AEBP2: variants seen among roughly 807,000 people sequenced by gnomAD.
The protein encoded by AEBP2 is AE binding protein 2.
Under a neutral mutation model 50.8 loss-of-function variants are expected in AEBP2, and 10 were observed. The observed-to-expected ratio is 0.20, with a 90% CI of 0.12 to 0.33. The LOEUF (loss-of-function observed/expected upper bound fraction) is 0.33. Among genes scored for constraint, AEBP2 ranks in the 10% least tolerant of loss-of-function variants. AEBP2 has a pLI of 1.00. For synonymous variants in AEBP2, 296 were observed against 261.3 expected (o/e 1.13, Z -1.28); for missense variants, 570 against 688.0 (o/e 0.83, Z 1.92).
At chr12:19,418,389 C>CTTTTTTTTTTTTTTTTT (rs372043971) in intron 1 of AEBP2, among the ~76,000 whole-genome samples, 1 of 94,928 alleles carries the variant, frequency 1.1e-5, no homozygotes, top group Non-Finnish European at 2.0e-5. Context: ...CTATGCCTGG[C>CTTTTTTTTTTTTTTTTT]TTTTTTTTTT....
intron 4 of AEBP2, among the ~76,000 whole-genome samples, chr12:19,496,176 GA>G (rs1184373662): frequency 6.6e-6 from 1 of 152,166 alleles, no homozygotes; most frequent in Non-Finnish European, 1.5e-5. Context: ...CTTGTAAAGA[GA>G]AGAGAGATTC....
intron 5 of AEBP2, among the ~76,000 whole-genome samples, chr12:19,511,477 A>C (rs149203951): frequency 9.2e-5 from 14 of 152,352 alleles, no homozygotes; most frequent in African/African-American, 3.4e-4. Context: ...TTTCTGCACC[A>C]TACTAAGAGT....
intron 1 of AEBP2, chr12:19,413,570 C>G: frequency 3.1e-6 from 2 of 641,516 alleles, no homozygotes; most frequent in South Asian, 3.5e-5. Flanking sequence ...AAAAAATAAA[C>G]TTGTTATGCA....
At chr12:19,503,935 G>C (rs566584845) in intron 5 of AEBP2, among the ~76,000 whole-genome samples, 2 of 151,876 alleles carry the variant, frequency 1.3e-5, no homozygotes, top group African/African-American at 2.4e-5. Context: ...GGGTTCAAGA[G>C]ATCCTCCCAC....
At chr12:19,475,992 G>C (rs1948643532) in intron 3 of AEBP2, among the ~76,000 whole-genome samples, 1 of 152,176 alleles carries the variant, frequency 6.6e-6, no homozygotes, top group South Asian at 2.1e-4. Flanking sequence ...TTATTCTGCT[G>C]ATTATTTCTT....
chr12:19,469,113 G>A (rs545901017), intron 2 of AEBP2, among the ~76,000 whole-genome samples: 167 of 152,034 alleles, frequency 1.1e-3, no homozygotes, highest in Non-Finnish European at 2.1e-3. Context: ...TTTAGTAGAG[G>A]TGGGGTTTCG....
At chr12:19,472,168 TAAA>T (rs1055673901) in intron 2 of AEBP2, among the ~76,000 whole-genome samples, 5 of 152,190 alleles carry the variant, frequency 3.3e-5, no homozygotes, top group Non-Finnish European at 7.3e-5. Flanking sequence ...TCTAGTCTAT[TAAA>T]AATTTTATTT....
rs530804634 is a variant in AEBP2, at chr12:19,427,825, A to C, written c.-17+23609A>C. 6.2e-4 allele frequency among the ~76,000 whole-genome samples: 94 copies of C among 152,012 alleles called. 1 individual carries two copies. Among genetic ancestry groups the C allele is most frequent in the Non-Finnish European group, 5.3e-4 (36 of 68,002 alleles). On this transcript the variant is annotated intron_variant, in intron 1 of 3. Transcript: ENST00000538425. ...GGTGGGAAGGACAGGAAATTGAAGG[A>C]TTTTACTCCTCAGAGCCTCCGTTTT...
At chr12:19,414,277 C>T (rs1034578314) in intron 1 of AEBP2, among the ~76,000 whole-genome samples, 13 of 152,068 alleles carry the variant, frequency 8.5e-5, no homozygotes, top group African/African-American at 2.4e-4. Context: ...GGAATACAGC[C>T]CCGTAGGTTT....
At chr12:19,505,618 G>A (rs1383616536) in intron 5 of AEBP2, among the ~76,000 whole-genome samples, 3 of 152,230 alleles carry the variant, frequency 2.0e-5, no homozygotes, top group Admixed American at 1.3e-4. Flanking sequence ...AGTAGGCAGC[G>A]TAGCTGGAGG....
chr12:19,483,326 T>G (rs377618478), intron 3 of AEBP2, among the ~76,000 whole-genome samples: 40 of 152,254 alleles, frequency 2.6e-4, no homozygotes, highest in African/African-American at 9.6e-4. Context: ...CTAGGTAAGG[T>G]TAAATCCGTC....
intron 1 of AEBP2, among the ~76,000 whole-genome samples, chr12:19,429,575 CTGAT>C (rs2095750347): frequency 6.6e-6 from 1 of 152,230 alleles, no homozygotes; most frequent in South Asian, 2.1e-4. Flanking sequence ...AATGGTTGAA[CTGAT>C]TTACAGTCCC....
chr12:19,485,123 A>G lies in AEBP2; in HGVS notation c.988-8677A>G, dbSNP rs182344368. 3.1e-3 allele frequency among the ~76,000 whole-genome samples: 476 copies of G among 152,312 alleles called. 3 individuals are homozygous for G. The highest frequency in any genetic ancestry group is 0.011 in the African/African-American group (461 of 41,582). ...TCCATGTGTGTATGTGTGTGTAAGT[A>G]TATTTTAAGGCAGCCTTTCTGCTGG... On this transcript the variant is annotated intron_variant, in intron 3 of 7. Coordinates refer to ENST00000266508, the MANE Select transcript of AEBP2 (RefSeq NM_153207.5).
At chr12:19,486,905 G>A (rs1409823148) in intron 3 of AEBP2, among the ~76,000 whole-genome samples, 1 of 151,606 alleles carries the variant, frequency 6.6e-6, no homozygotes, top group South Asian at 2.1e-4. Flanking sequence ...CGATCTACCC[G>A]CCTCGGCCTT....
In AEBP2 at chr12:19,518,171, C is replaced by T; in HGVS notation, c.*54C>T. ...AAGCGGGGACACCTGCAGTCTTAGT[C>T]ACTGACAATGGGTTTAGGGAAAGTT... On this transcript the variant is annotated 3_prime_UTR_variant, in exon 8 of 8. Coordinates refer to ENST00000266508, the MANE Select transcript of AEBP2 (RefSeq NM_153207.5). The T allele has an allele frequency of 1.3e-6, 2 of 1,528,216 alleles. No individual in the cohort carries two copies. The highest frequency in any genetic ancestry group is 1.8e-6 in the Non-Finnish European group (2 of 1,139,622). 94.7% of individuals were successfully genotyped at this position (1,528,216 alleles called of 1,614,324 possible). A position where few individuals can be genotyped will look rare whatever the true frequency, so the allele number is the denominator to read the frequency against.
intron 3 of AEBP2, among the ~76,000 whole-genome samples, chr12:19,474,473 C>G (rs1394468075): frequency 6.6e-6 from 1 of 152,144 alleles, no homozygotes; most frequent in African/African-American, 2.4e-5. Flanking sequence ...ATTTGTCTCT[C>G]TCTTTTTCCT....
At position 19,440,127 on chromosome 12, in the gene AEBP2, G is replaced by A; in HGVS notation, c.428G>A (p.Gly143Asp). The A allele has an allele frequency of 1.3e-6, 2 of 1,505,934 alleles. No individual in the cohort carries two copies. The highest frequency in any genetic ancestry group is 1.8e-6 in the Non-Finnish European group (2 of 1,133,740). 93.3% of individuals were successfully genotyped at this position (1,505,934 alleles called of 1,614,324 possible). ...GACGAGACCCGCTCGTTGAGCCCCG[G>A]CGCCGCCAGCAGCAGCAGCGGGGAT... is the stretch of plus-strand genomic sequence containing the variant. ...SSDETRSLSP[G>D]AASSSSGDGD... The change falls in exon 1 of 8, where the codon GGC (glycine) becomes GAC (aspartate). Residue 143 changes from glycine (G) to aspartate (D), a missense_variant. By Grantham distance (94) the Gly-to-Asp change is moderately conservative. Transcript: ENST00000266508.
At position 19,514,801 on chromosome 12, in the gene AEBP2, C is replaced by A. The variant is rs1265598332; in HGVS notation, c.1481+17C>A. ...CATATACAGGTAATTTAATTCTTGC[C>A]TTTATGTTTTACTTTTTGATTTGTA... On this transcript the variant is annotated intron_variant, in intron 7 of 7. Transcript: ENST00000266508. 5.1e-6 allele frequency: 8 copies of A among 1,566,686 alleles called. No homozygotes were observed. Among genetic ancestry groups the A allele is most frequent in the Non-Finnish European group, 7.0e-6 (8 of 1,149,316 alleles).
chr12:19,511,321 T>C (rs865782489), intron 5 of AEBP2, among the ~76,000 whole-genome samples: 5 of 152,184 alleles, frequency 3.3e-5, no homozygotes, highest in Non-Finnish European at 5.9e-5. Context: ...CCCCGGAGAG[T>C]TGGTTGTTCC....
Sources: allele counts gnomAD v4.1 joint callset (sites outside exome capture counted in the v4.1 genomes callset), GRCh38; gene constraint gnomAD v4.1.1; transcripts MANE v1.5; gene names NCBI Gene and HGNC (gene_info 2026-07-23, HGNC 2026-07-21).